CSMD1: variants seen among roughly 807,000 people sequenced by gnomAD.
The protein encoded by CSMD1 is CUB and Sushi multiple domains 1.
CSMD1 carries 213 observed loss-of-function variants against 417.5 expected under a neutral mutation model. The observed-to-expected ratio is 0.51, with a 90% CI of 0.46 to 0.57. The LOEUF (loss-of-function observed/expected upper bound fraction) is 0.57, where lower values mean the gene tolerates loss of function less well. Among genes scored for constraint, CSMD1 ranks in the 20% least tolerant of loss-of-function variants. The probability of loss-of-function intolerance (pLI) is 0.00; values close to 1 mark genes in which losing one functional copy is unlikely to be tolerated. For synonymous variants in CSMD1, 2,862 were observed against 1,736.8 expected (o/e 1.65, Z -16.11); for missense variants, 6,923 against 4,529.7 (o/e 1.53, Z -15.17).
chr8:4,405,477 G>C (rs1804943313), intron 3 of CSMD1, among the ~76,000 whole-genome samples: 1 of 152,104 alleles, frequency 6.6e-6, no homozygotes, highest in South Asian at 2.1e-4. Flanking sequence ...GTGTTTGAAA[G>C]AGTGAAGTGA....
At chr8:3,001,818 T>C (rs967093466) in intron 52 of CSMD1, among the ~76,000 whole-genome samples, 5 of 152,346 alleles carry the variant, frequency 3.3e-5, no homozygotes, top group Admixed American at 6.5e-5. Flanking sequence ...TGATTCTCCA[T>C]ACAAGTTCCT....
chr8:4,393,649 C>T (rs1413880309), intron 3 of CSMD1, among the ~76,000 whole-genome samples: 2 of 152,142 alleles, frequency 1.3e-5, no homozygotes, highest in Non-Finnish European at 2.9e-5. Flanking sequence ...AAGACGTGAG[C>T]ACTAGCCCAG....
chr8:4,334,175 G>C (rs750870514), intron 3 of CSMD1, among the ~76,000 whole-genome samples: 12 of 152,080 alleles, frequency 7.9e-5, no homozygotes, highest in Non-Finnish European at 1.6e-4. Context: ...CCAAAGTGCT[G>C]GGATTACAGG....
intron 12 of CSMD1, among the ~76,000 whole-genome samples, chr8:3,446,283 T>C (rs565089307): frequency 2.9e-4 from 44 of 152,346 alleles, no homozygotes; most frequent in African/African-American, 9.9e-4. Flanking sequence ...GCATGGGCTA[T>C]TGTAAAATTA....
At chr8:4,819,475 A>T (rs1799397376) in intron 1 of CSMD1, among the ~76,000 whole-genome samples, 1 of 152,180 alleles carries the variant, frequency 6.6e-6, no homozygotes, top group Non-Finnish European at 1.5e-5. Context: ...TTGACATCCA[A>T]CATAATACAT....
At chr8:4,029,068 G>C (rs1410953271) in intron 4 of CSMD1, among the ~76,000 whole-genome samples, 1 of 152,158 alleles carries the variant, frequency 6.6e-6, no homozygotes, top group Non-Finnish European at 1.5e-5. Flanking sequence ...TGACAGTGTT[G>C]AAAGAGTTCT....
chr8:4,715,875 G>A (rs754090456), intron 1 of CSMD1, among the ~76,000 whole-genome samples: 1 of 152,072 alleles, frequency 6.6e-6, no homozygotes, highest in African/African-American at 2.4e-5. Flanking sequence ...CCTCCTAAAG[G>A]GTCCTTGGCT....
chr8:3,708,392 G>C (rs776384573), intron 7 of CSMD1, 22 bp downstream of exon 7: 17 of 1,606,014 alleles, frequency 1.1e-5, no homozygotes, highest in Non-Finnish European at 1.4e-5. Flanking sequence ...TCAATCCTCA[G>C]ATAGAAAGGA....
At position 4,363,630 on chromosome 8, in the gene CSMD1, G is replaced by A. The variant is rs148298935; in HGVS notation, c.415+56323C>T. ...CAACATCAACGTCCCTGGGAAGGAC[G>A]GTGCCAGGACATACAACTGGCAGGC... is the stretch of plus-strand genomic sequence containing the variant. On this transcript the variant is annotated intron_variant, in intron 3 of 69. Coordinates refer to ENST00000635120, the MANE Select transcript of CSMD1 (RefSeq NM_033225.6). 2.0e-3 allele frequency among the ~76,000 whole-genome samples: 302 copies of A among 152,276 alleles called. 2 individuals carry two copies. Among genetic ancestry groups the A allele is most frequent in the African/African-American group, 6.9e-3 (288 of 41,556 alleles).
intron 3 of CSMD1, among the ~76,000 whole-genome samples, chr8:4,200,368 A>C (rs1712300105): frequency 6.6e-6 from 1 of 152,180 alleles, no homozygotes; most frequent in Non-Finnish European, 1.5e-5. Flanking sequence ...TGATTTTTTA[A>C]AAGAAATACA....
At chr8:4,146,363 C>T (rs181716927) in intron 3 of CSMD1, among the ~76,000 whole-genome samples, 1 of 150,606 alleles carries the variant, frequency 6.6e-6, no homozygotes, top group African/African-American at 2.5e-5. Context: ...TTCAGCCCAA[C>T]ATCGACTTGC....
At chr8:3,275,188 A>C (rs1802185115) in intron 26 of CSMD1, among the ~76,000 whole-genome samples, 2 of 152,096 alleles carry the variant, frequency 1.3e-5, no homozygotes, top group African/African-American at 4.8e-5. Flanking sequence ...TCACTTATGA[A>C]GCTTAGTTTG....
At chr8:3,015,301 G>A (rs1452034925) in intron 52 of CSMD1, among the ~76,000 whole-genome samples, 1 of 152,130 alleles carries the variant, frequency 6.6e-6, no homozygotes, top group African/African-American at 2.4e-5. Flanking sequence ...TGGGACAGTT[G>A]CTTTGCTTGA....
intron 3 of CSMD1, among the ~76,000 whole-genome samples, chr8:4,176,705 C>G (rs953523365): frequency 6.6e-6 from 1 of 150,582 alleles, no homozygotes; most frequent in African/African-American, 2.5e-5. Flanking sequence ...CAGAGACACA[C>G]ATAGGCTCAA....
intron 2 of CSMD1, among the ~76,000 whole-genome samples, chr8:4,509,401 G>C (rs1364361819): frequency 6.6e-6 from 1 of 152,124 alleles, no homozygotes; most frequent in Non-Finnish European, 1.5e-5. Context: ...CTTCAAAGGG[G>C]AATCAGATGT....
intron 3 of CSMD1, among the ~76,000 whole-genome samples, chr8:4,291,496 C>G (rs890382665): frequency 6.6e-6 from 1 of 152,110 alleles, no homozygotes; most frequent in Non-Finnish European, 1.5e-5. Flanking sequence ...CCCAGTGATT[C>G]TGACATTTCA....
chr8:3,979,136 C>A (rs12674744), intron 5 of CSMD1, among the ~76,000 whole-genome samples: 7,537 of 152,264 alleles, frequency 0.049, 317 homozygotes, highest in South Asian at 0.1. Context: ...AAACATGGGG[C>A]CTCAGGCCCT....
intron 1 of CSMD1, among the ~76,000 whole-genome samples, chr8:4,937,721 G>A (rs761950128): frequency 5.3e-5 from 8 of 151,990 alleles, no homozygotes; most frequent in South Asian, 2.1e-4. Context: ...TTGACTTTAC[G>A]CCTGAGCAGA....
chr8:3,347,691 T>C (rs1377018638), intron 22 of CSMD1, among the ~76,000 whole-genome samples: 1 of 152,184 alleles, frequency 6.6e-6, no homozygotes, highest in Non-Finnish European at 1.5e-5. Flanking sequence ...GTAGGTACAA[T>C]TGCATTTTGT....
Sources: allele counts gnomAD v4.1 joint callset (sites outside exome capture counted in the v4.1 genomes callset), GRCh38; gene constraint gnomAD v4.1.1; transcripts MANE v1.5; gene names NCBI Gene and HGNC (gene_info 2026-07-23, HGNC 2026-07-21).